NRG1: variants seen among roughly 807,000 people sequenced by gnomAD.
NRG1 encodes the protein neuregulin 1, also known as pro-neuregulin-1, membrane-bound isoform.
A neutral mutation model predicts 63.8 loss-of-function variants in NRG1; 18 were observed. The observed-to-expected ratio is 0.28, with a 90% CI of 0.19 to 0.42. The LOEUF is 0.42. Ranked by LOEUF, NRG1 falls within the 10% of genes least tolerant of loss-of-function variation. The pLI, the probability that NRG1 is intolerant of heterozygous loss-of-function variation, is 1.00. For missense variants in NRG1, 762 were observed against 814.7 expected (o/e 0.94, Z 0.79); for synonymous variants, 302 against 301.3 (o/e 1.00, Z -0.02).
At chr8:31,883,266 C>A (rs1375940792) in intron 1 of NRG1, among the ~76,000 whole-genome samples, 2 of 152,064 alleles carry the variant, frequency 1.3e-5, no homozygotes, top group Non-Finnish European at 2.9e-5. Context: ...GCATTTTTAG[C>A]AATAATGTAT....
chr8:31,662,668 T>C (rs1806114921), intron 1 of NRG1, among the ~76,000 whole-genome samples: 1 of 152,146 alleles, frequency 6.6e-6, no homozygotes, highest in African/African-American at 2.4e-5. Context: ...ACTTAATAGG[T>C]GCTAGCAGAG....
At chr8:31,720,425 C>T (rs1400439744) in intron 1 of NRG1, among the ~76,000 whole-genome samples, 1 of 152,090 alleles carries the variant, frequency 6.6e-6, no homozygotes, top group African/African-American at 2.4e-5. Context: ...CATCCCATCA[C>T]CTAGGTGTTA....
At chr8:32,032,438 G>A (rs931975971) in intron 1 of NRG1, among the ~76,000 whole-genome samples, 27 of 151,820 alleles carry the variant, frequency 1.8e-4, no homozygotes, top group African/African-American at 5.1e-4. Context: ...TACTTTTTTC[G>A]TATTTTTAGT....
chr8:32,066,908 C>G (rs1158722382), intron 1 of NRG1, among the ~76,000 whole-genome samples: 4 of 151,880 alleles, frequency 2.6e-5, no homozygotes, highest in Non-Finnish European at 5.9e-5. Context: ...CTTCACATCC[C>G]TTGTAAGTTG....
At chr8:32,282,807 T>C (rs1853035040) in intron 1 of NRG1, among the ~76,000 whole-genome samples, 1 of 152,192 alleles carries the variant, frequency 6.6e-6, no homozygotes, top group Non-Finnish European at 1.5e-5. Context: ...TTTAAGAACT[T>C]TAATTCCTAT....
At chr8:32,185,910 A>G (rs1482193629) in intron 1 of NRG1, among the ~76,000 whole-genome samples, 1 of 152,202 alleles carries the variant, frequency 6.6e-6, no homozygotes, top group Non-Finnish European at 1.5e-5. Flanking sequence ...TTTCTTACAG[A>G]AGTGATTCTT....
chr8:32,528,571 T>C (rs921662816), intron 1 of NRG1, among the ~76,000 whole-genome samples: 1 of 152,232 alleles, frequency 6.6e-6, no homozygotes, highest in Non-Finnish European at 1.5e-5. Context: ...TGTGGTTCTT[T>C]TTCATCTTTA....
intron 1 of NRG1, among the ~76,000 whole-genome samples, chr8:31,982,819 A>G (rs907494483): frequency 6.6e-6 from 1 of 152,080 alleles, no homozygotes; most frequent in African/African-American, 2.4e-5. Flanking sequence ...TAGTTCCCAG[A>G]GGCTATTGGG....
At chr8:32,541,544 C>T (rs1411544269) in intron 1 of NRG1, among the ~76,000 whole-genome samples, 2 of 151,122 alleles carry the variant, frequency 1.3e-5, no homozygotes, top group African/African-American at 2.4e-5. Flanking sequence ...AAATTACTCT[C>T]GCTGTTCAAA....
intron 1 of NRG1, among the ~76,000 whole-genome samples, chr8:32,281,353 T>C (rs1200743894): frequency 1.3e-5 from 2 of 151,588 alleles, no homozygotes; most frequent in Non-Finnish European, 2.9e-5. Flanking sequence ...AATTTTTGTA[T>C]TTTTAGTAGA....
chr8:32,653,811 A>T (rs1855678383), intron 5 of NRG1, among the ~76,000 whole-genome samples: 1 of 152,142 alleles, frequency 6.6e-6, no homozygotes, highest in Non-Finnish European at 1.5e-5. Flanking sequence ...ATCTGCCATT[A>T]AGTTGTTTAG....
At chr8:31,747,633 A>G (rs1201066867) in intron 1 of NRG1, among the ~76,000 whole-genome samples, 1 of 151,950 alleles carries the variant, frequency 6.6e-6, no homozygotes, top group Non-Finnish European at 1.5e-5. Flanking sequence ...TGTGGTCACA[A>G]GAATATTTTT....
At chr8:32,419,183 T>C (rs1041352857) in intron 1 of NRG1, among the ~76,000 whole-genome samples, 1 of 152,336 alleles carries the variant, frequency 6.6e-6, no homozygotes, top group East Asian at 1.9e-4. Context: ...GAATTAAGCA[T>C]TGGCCTTGGA....
intron 1 of NRG1, chr8:31,639,850 A>G (rs1323294742): frequency 1.8e-6 from 2 of 1,123,974 alleles, no homozygotes; most frequent in Non-Finnish European, 2.2e-6. Context: ...CTGCACCCCC[A>G]ATAAATAAAT....
intron 1 of NRG1, among the ~76,000 whole-genome samples, chr8:31,771,416 T>C (rs1818616617): frequency 6.6e-6 from 1 of 152,166 alleles, no homozygotes. Flanking sequence ...AATTTGGGGC[T>C]ATTACTGAAA....
intron 1 of NRG1, among the ~76,000 whole-genome samples, chr8:32,096,757 C>T (rs1829952784): frequency 6.6e-6 from 1 of 152,168 alleles, no homozygotes; most frequent in Non-Finnish European, 1.5e-5. Flanking sequence ...CACTCCCGAT[C>T]TCCCCACTCC....
At chr8:31,901,120 C>T (rs900866531) in intron 1 of NRG1, among the ~76,000 whole-genome samples, 2 of 151,994 alleles carry the variant, frequency 1.3e-5, no homozygotes, top group African/African-American at 2.4e-5. Context: ...AAGCATTAAT[C>T]ATGAAGATGA....
chr8:32,066,688 T>C (rs1217761027), intron 1 of NRG1, among the ~76,000 whole-genome samples: 3 of 152,212 alleles, frequency 2.0e-5, no homozygotes, highest in South Asian at 2.1e-4. Flanking sequence ...TTTGGTTCCA[T>C]AGGAACTTTA....
chr8:32,100,380 G>A (rs148088278), intron 1 of NRG1, among the ~76,000 whole-genome samples: 2 of 152,206 alleles, frequency 1.3e-5, no homozygotes, highest in African/African-American at 2.4e-5. Context: ...CAATGCCTGA[G>A]GCTAATAGTT....
Sources: allele counts gnomAD v4.1 joint callset (sites outside exome capture counted in the v4.1 genomes callset), GRCh38; gene constraint gnomAD v4.1.1; transcripts MANE v1.5; gene names NCBI Gene and HGNC (gene_info 2026-07-23, HGNC 2026-07-21).